Variants in GRID2 observed in about 807,000 individuals in gnomAD.
GRID2 encodes glutamate ionotropic receptor delta type subunit 2, also known as glutamate receptor ionotropic, delta-2.
Under a neutral mutation model 114.8 loss-of-function variants are expected in GRID2, and 33 were observed. The ratio of observed to expected loss-of-function variants is 0.29; its 90% CI spans 0.22 to 0.38. The LOEUF is 0.38. Ranked by LOEUF, GRID2 falls within the 10% of genes least tolerant of loss-of-function variation. The pLI is 1.00. For synonymous variants in GRID2, 505 were observed against 449.9 expected (o/e 1.12, Z -1.55); for missense variants, 1,184 against 1,257.7 (o/e 0.94, Z 0.89).
At chr4:92,566,800 TAC>T (rs1240861693) in intron 1 of GRID2, among the ~76,000 whole-genome samples, 1 of 152,084 alleles carries the variant, frequency 6.6e-6, no homozygotes, top group Non-Finnish European at 1.5e-5. Flanking sequence ...AGGCACATAT[TAC>T]AGAGTTTCAC....
chr4:93,224,353 C>T (rs1004077224), intron 6 of GRID2, among the ~76,000 whole-genome samples: 3 of 152,216 alleles, frequency 2.0e-5, no homozygotes, highest in South Asian at 4.1e-4. Context: ...TTATCTCTGT[C>T]GAAATTTCTT....
At chr4:93,333,439 T>C (rs1480262597) in intron 8 of GRID2, among the ~76,000 whole-genome samples, 1 of 152,194 alleles carries the variant, frequency 6.6e-6, no homozygotes, top group Non-Finnish European at 1.5e-5. Flanking sequence ...AGTGTGTCTC[T>C]CCTTTACAAA....
chr4:93,391,287 C>A (rs1764830415), intron 8 of GRID2, among the ~76,000 whole-genome samples: 1 of 152,140 alleles, frequency 6.6e-6, no homozygotes, highest in Non-Finnish European at 1.5e-5. Context: ...CTGAGTCAAC[C>A]TGCCATATGT....
At chr4:92,527,944 T>C (rs1003983430) in intron 1 of GRID2, among the ~76,000 whole-genome samples, 1 of 152,090 alleles carries the variant, frequency 6.6e-6, no homozygotes, top group Admixed American at 6.6e-5. Flanking sequence ...TCCATTCTTA[T>C]TACTTTGCTT....
At chr4:93,390,042 G>C (rs920822117) in intron 8 of GRID2, among the ~76,000 whole-genome samples, 8 of 152,156 alleles carry the variant, frequency 5.3e-5, no homozygotes, top group Non-Finnish European at 1.0e-4. Context: ...ACCCGCCTTG[G>C]CCTCCCAAAG....
chr4:93,755,592 A>T (rs1159214497), intron 14 of GRID2, among the ~76,000 whole-genome samples: 1 of 152,210 alleles, frequency 6.6e-6, no homozygotes, highest in African/African-American at 2.4e-5. Context: ...TACTTAAGGA[A>T]TCCTTATTCC....
At chr4:92,746,487 G>A (rs1050443168) in intron 2 of GRID2, among the ~76,000 whole-genome samples, 30 of 152,036 alleles carry the variant, frequency 2.0e-4, no homozygotes, top group African/African-American at 6.5e-4. Context: ...ATAGGAGTAT[G>A]TATTAAACTG....
intron 11 of GRID2, among the ~76,000 whole-genome samples, chr4:93,470,410 A>G (rs1055105291): frequency 6.6e-6 from 1 of 152,158 alleles, no homozygotes; most frequent in African/African-American, 2.4e-5. Flanking sequence ...TAAGCTGGCT[A>G]TACTTACTTG....
At chr4:92,464,520 T>A (rs776700097) in intron 1 of GRID2, among the ~76,000 whole-genome samples, 19 of 152,072 alleles carry the variant, frequency 1.2e-4, no homozygotes, top group Non-Finnish European at 2.5e-4. Context: ...TTTCTTCTGA[T>A]GGCAAAATAA....
chr4:93,673,944 C>T (rs997186920), intron 14 of GRID2, among the ~76,000 whole-genome samples: 1 of 152,086 alleles, frequency 6.6e-6, no homozygotes, highest in East Asian at 1.9e-4. Flanking sequence ...CTCTAGTTCC[C>T]TCTTTTCTTC....
intron 8 of GRID2, among the ~76,000 whole-genome samples, chr4:93,262,032 G>T (rs1750310290): frequency 1.3e-5 from 2 of 151,332 alleles, no homozygotes; most frequent in South Asian, 4.1e-4. Context: ...TCCACAAAGG[G>T]TTTAAAGAAA....
intron 2 of GRID2, among the ~76,000 whole-genome samples, chr4:92,991,789 C>A (rs1754920610): frequency 6.6e-6 from 1 of 152,018 alleles, no homozygotes; most frequent in African/African-American, 2.4e-5. Context: ...GTAATTTAGG[C>A]CTGAGTACAA....
At chr4:92,985,335 TGCCTCAGCCTCAGCTGAGGACTG>T (rs922579571) in intron 2 of GRID2, among the ~76,000 whole-genome samples, 5 of 151,792 alleles carry the variant, frequency 3.3e-5, no homozygotes, top group African/African-American at 7.3e-5. Flanking sequence ...GCCATTCTTC[TGCCTCAGCCTCAGCTGAGGACTG>T]GCCTCAGCTG....
At chr4:92,485,506 C>A (rs1019311189) in intron 1 of GRID2, among the ~76,000 whole-genome samples, 3 of 150,398 alleles carry the variant, frequency 2.0e-5, no homozygotes, top group Non-Finnish European at 4.4e-5. Context: ...TCAAGACTAG[C>A]CTGTAAAACC....
Position 93,373,860 on chromosome 4 carries a change from T to C in GRID2, c.1246-21747T>C, listed in dbSNP as rs116528881. ...CCAGCCGGGAAAGGCTGCTACAGTA[T>C]GTAGCAAGGTGCTTTTGCTGAAATA... is the stretch of plus-strand genomic sequence containing the variant. On this transcript the variant is annotated intron_variant, in intron 8 of 15. Transcript: ENST00000282020. Among the ~76,000 whole-genome samples, 1,482 of 152,320 alleles carry C rather than the reference T, an allele frequency of 9.7e-3. 21 individuals are homozygous for C. The highest frequency in any genetic ancestry group is 0.034 in the African/African-American group (1,425 of 41,566).
chr4:93,095,356 G>A (rs527937012), intron 3 of GRID2, among the ~76,000 whole-genome samples: 30 of 151,886 alleles, frequency 2.0e-4, no homozygotes, highest in Non-Finnish European at 4.0e-4. Context: ...ACTCCAGCAA[G>A]ACCATTTTTA....
At chr4:93,493,627 G>A (rs186053430) in intron 12 of GRID2, among the ~76,000 whole-genome samples, 6 of 151,452 alleles carry the variant, frequency 4.0e-5, no homozygotes, top group Admixed American at 2.0e-4. Context: ...ACTTTGTGGT[G>A]TCTGTAAATC....
Position 93,097,352 on chromosome 4 carries a change from A to G in GRID2, c.529+12073A>G, listed in dbSNP as rs1354878599. Among the ~76,000 whole-genome samples, 6 of 150,316 alleles carry G rather than the reference A, an allele frequency of 4.0e-5. No individual in the cohort carries two copies. The East Asian group carries it at 7.8e-4, about 19-fold the overall frequency. On this transcript the variant is annotated intron_variant, in intron 3 of 15. Transcript: ENST00000282020. ...AAAAAGGTAAAGGAAAGGAAAAAGG[A>G]AAAAAAAACAATTTACAGAAATATC...
At chr4:93,703,147 A>G (rs1727657367) in intron 14 of GRID2, among the ~76,000 whole-genome samples, 1 of 152,164 alleles carries the variant, frequency 6.6e-6, no homozygotes, top group East Asian at 1.9e-4. Context: ...GCATGTATTC[A>G]TGTTAATTTA....
Sources: allele counts gnomAD v4.1 joint callset (sites outside exome capture counted in the v4.1 genomes callset), GRCh38; gene constraint gnomAD v4.1.1; transcripts MANE v1.5; gene names NCBI Gene and HGNC (gene_info 2026-07-23, HGNC 2026-07-21).